The following SLC13A3 variants were observed in gnomAD, a reference collection of about 807,000 sequenced individuals.
SLC13A3 encodes Na(+)/dicarboxylate cotransporter 3.
SLC13A3 carries 40 observed loss-of-function variants against 59.0 expected under a neutral mutation model. The observed-to-expected ratio is 0.68, with a 90% CI of 0.53 to 0.88. The LOEUF is 0.88. SLC13A3 is among the 40% of genes least tolerant of loss of function. The probability of loss-of-function intolerance (pLI) is 0.00; values close to 1 mark genes in which losing one functional copy is unlikely to be tolerated. For synonymous variants in SLC13A3, 317 were observed against 330.3 expected, an observed-to-expected ratio of 0.96 and a Z score of 0.44; for missense variants, 699 against 783.2, an observed-to-expected ratio of 0.89 and a Z score of 1.28.
intron 1 of SLC13A3, among the ~76,000 whole-genome samples, chr20:46,647,203 C>A (rs770647708): frequency 2.3e-4 from 35 of 152,218 alleles, no homozygotes; most frequent in Non-Finnish European, 2.9e-4. Context: ...GCACAGCTTG[C>A]ACAACACTCT....
intron 1 of SLC13A3, among the ~76,000 whole-genome samples, chr20:46,625,414 T>C (rs555602358): frequency 4.6e-5 from 7 of 152,294 alleles, no homozygotes; most frequent in South Asian, 2.1e-4. Flanking sequence ...GTCCAAGTAA[T>C]AGGAAAAGAA....
Position 46,651,067 on chromosome 20 carries a change from T to C in SLC13A3, c.111+244A>G, listed in dbSNP as rs1258430330. Reference sequence around the variant, plus strand: ...AACCTGTCACTGAAACGAAACGAAATTATTCCCATGGAAGTGAGATCCAGA... The same window carrying C: ...AACCTGTCACTGAAACGAAACGAAACTATTCCCATGGAAGTGAGATCCAGA... On this transcript the variant is annotated intron_variant, in intron 1 of 12. Transcript: ENST00000279027. Among the ~76,000 whole-genome samples the C allele has an allele frequency of 2.0e-5, 3 of 152,038 alleles. No homozygotes were observed. The East Asian group carries it at 5.8e-4, about 29-fold the overall frequency.
At chr20:46,646,191 A>G (rs2062892511) in intron 1 of SLC13A3, among the ~76,000 whole-genome samples, 2 of 152,182 alleles carry the variant, frequency 1.3e-5, no homozygotes, top group South Asian at 4.1e-4. Flanking sequence ...GGAAAACTCA[A>G]GGGCCTCTCT....
chr20:46,628,375 G>A (rs1486489760), intron 1 of SLC13A3, among the ~76,000 whole-genome samples: 1 of 152,178 alleles, frequency 6.6e-6, no homozygotes, highest in Non-Finnish European at 1.5e-5. Flanking sequence ...GCAGCTTCGG[G>A]TAAAACATTG....
intron 1 of SLC13A3, among the ~76,000 whole-genome samples, chr20:46,649,713 T>C (rs2062934486): frequency 6.6e-6 from 1 of 152,200 alleles, no homozygotes. Context: ...TCCAAGATCT[T>C]AAGATCCACA....
At chr20:46,591,164 C>CTAAA (rs56802241) in intron 6 of SLC13A3, among the ~76,000 whole-genome samples, 11,705 of 148,924 alleles carry the variant, frequency 0.079, 515 homozygotes, top group Non-Finnish European at 0.091. Context: ...GAGACTTTGT[C>CTAAA]TAAATAAATA....
At chr20:46,678,062 C>T (rs370142349) in intron 1 of SLC13A3, among the ~76,000 whole-genome samples, 23 of 152,276 alleles carry the variant, frequency 1.5e-4, no homozygotes, top group African/African-American at 5.1e-4. Context: ...TTACAGCCAC[C>T]CACTGGACCT....
rs190823932 is a variant in SLC13A3 at position 46,586,604 on chromosome 20, A to T, written c.1121+1455T>A. On this transcript the variant is annotated intron_variant, in intron 8 of 12. Coordinates refer to ENST00000279027, the MANE Select transcript of SLC13A3 (RefSeq NM_022829.6). ...GCTTGACAAGTCTAAACCAAGTCCA[A>T]AATAGAATTATGAATAAGCCATTCC... Among the ~76,000 whole-genome samples the T allele has an allele frequency of 2.2e-3, 340 of 152,266 alleles. 4 individuals carry two copies. The highest frequency in any genetic ancestry group is 7.9e-3 in the African/African-American group (329 of 41,550).
intron 4 of SLC13A3, among the ~76,000 whole-genome samples, chr20:46,598,772 A>G (rs2062341978): frequency 6.6e-6 from 1 of 152,072 alleles, no homozygotes; most frequent in Non-Finnish European, 1.5e-5. Context: ...GATGTCCCAC[A>G]TGCTCTGTCC....
Position 46,610,482 on chromosome 20 carries a change from G to A in SLC13A3, c.505C>T (p.Arg169Ter), listed in dbSNP as rs756966303. Reference protein sequence around the residue: ...LKSLFGQKEVRKDPSQESEEN... With the variant: ...LKSLFGQKEV ...TCACTCTCCTGGCTGGGGTCCTTTCGAACCTCCTTCTGGCCAAAGAGACTT... is the reference window on the plus strand; with the variant it reads ...TCACTCTCCTGGCTGGGGTCCTTTCAAACCTCCTTCTGGCCAAAGAGACTT... The change falls in exon 3 of 13, where the codon CGA (arginine) becomes TGA (stop). Residue 169 changes from arginine (R) to a stop codon, truncating the protein, a stop_gained. Coordinates refer to ENST00000279027, the MANE Select transcript of SLC13A3 (RefSeq NM_022829.6). LOFTEE classifies it high-confidence loss of function. 3.1e-6 allele frequency: 5 copies of A among 1,613,808 alleles called. No individual in the cohort carries two copies. The highest frequency in any genetic ancestry group is 2.2e-5 in the East Asian group (1 of 44,860).
intron 10 of SLC13A3, among the ~76,000 whole-genome samples, chr20:46,570,896 T>C (rs768609587): frequency 3.3e-5 from 5 of 152,284 alleles, no homozygotes; most frequent in Non-Finnish European, 7.4e-5. Flanking sequence ...GTAATAATAA[T>C]TGTATTAGTC....
At chr20:46,652,566 T>A (rs1365316723), upstream of SLC13A3, among the ~76,000 whole-genome samples, 1 of 148,326 alleles carries the variant, frequency 6.7e-6, no homozygotes, top group African/African-American at 2.5e-5. Flanking sequence ...TTTTTTTTTT[T>A]TGTATTTTTA....
chr20:46,608,997 A>G, intron 3 of SLC13A3: 2 of 1,550,710 alleles, frequency 1.3e-6, no homozygotes, highest in Non-Finnish European at 1.7e-6. Context: ...ACCAAGTCTT[A>G]TCACAAGGGG....
chr20:46,588,017 C>A, intron 8 of SLC13A3, 42 bp downstream of exon 8: 1 of 1,225,038 alleles, frequency 8.2e-7, no homozygotes, highest in Non-Finnish European at 1.2e-6. Context: ...AGCCCAGAAT[C>A]CTCCCTGTTG....
At position 46,597,646 on chromosome 20, in the gene SLC13A3, T is replaced by A. The variant is rs147990187; in HGVS notation, c.609-1304A>T. On this transcript the variant is annotated intron_variant, in intron 4 of 12. Transcript: ENST00000279027. ...GAGACAGGGTTTCACCATGTTGGCC[T>A]GGCTGGTCTCGAACTCCTCACCTCA... Among the ~76,000 whole-genome samples the A allele has an allele frequency of 8.4e-3, 1,273 of 152,214 alleles. 18 individuals are homozygous for A. Among genetic ancestry groups the A allele is most frequent in the African/African-American group, 0.026 (1,093 of 41,532 alleles).
At chr20:46,673,431 G>A (rs1316080774), upstream of SLC13A3, among the ~76,000 whole-genome samples, 1 of 152,142 alleles carries the variant, frequency 6.6e-6, no homozygotes, top group Non-Finnish European at 1.5e-5. Flanking sequence ...ATTGCTGGGG[G>A]CTGTCCTCTT....
chr20:46,572,862 A>G (rs430891), intron 10 of SLC13A3, among the ~76,000 whole-genome samples: 123,465 of 152,078 alleles, frequency 0.81, 50,309 homozygotes, highest in East Asian at 0.88. Context: ...TCCAATCCAG[A>G]TGGTCTGGTT....
chr20:46,595,910 T>C (rs760676976), intron 5 of SLC13A3, among the ~76,000 whole-genome samples: 11 of 152,216 alleles, frequency 7.2e-5, no homozygotes, highest in Non-Finnish European at 1.3e-4. Flanking sequence ...TTCCCTGCTG[T>C]ATTTTTTTCC....
At chr20:46,604,927 G>A (rs376619194) in intron 3 of SLC13A3, among the ~76,000 whole-genome samples, 4 of 152,128 alleles carry the variant, frequency 2.6e-5, no homozygotes, top group Non-Finnish European at 5.9e-5. Context: ...TCGCTAGCTC[G>A]CTCTACCCTC....
Sources: allele counts gnomAD v4.1 joint callset (sites outside exome capture counted in the v4.1 genomes callset), GRCh38; gene constraint gnomAD v4.1.1; transcripts MANE v1.5; gene names NCBI Gene and HGNC (gene_info 2026-07-23, HGNC 2026-07-21).